PLAA: variants seen among roughly 807,000 people sequenced by gnomAD.
The protein encoded by PLAA is phospholipase A2 activating protein.
PLAA carries 48 observed loss-of-function variants against 84.1 expected under a neutral mutation model. That is an observed-to-expected ratio of 0.57 (90% confidence interval 0.45 to 0.73). The LOEUF (loss-of-function observed/expected upper bound fraction) is 0.73, where lower values mean the gene tolerates loss of function less well. Ranked by LOEUF, PLAA falls within the 30% of genes least tolerant of loss-of-function variation. The probability of loss-of-function intolerance (pLI) is 0.00; values close to 1 mark genes in which losing one functional copy is unlikely to be tolerated. For synonymous variants in PLAA, 392 were observed against 336.6 expected (o/e 1.16, Z -1.80); for missense variants, 903 against 954.7 (o/e 0.95, Z 0.71).
intron 7 of PLAA, among the ~76,000 whole-genome samples, chr9:26,921,845 C>T (rs1203693120): frequency 6.6e-6 from 1 of 152,112 alleles, no homozygotes; most frequent in Non-Finnish European, 1.5e-5. Context: ...ATGTTATTAC[C>T]ACTAGTATCA....
rs867126426 is a variant in PLAA, at chr9:26,915,860, G to A, written c.1486+1237C>T. The stretch of plus-strand genomic sequence containing the variant: ...TTCTTTCTGTTCCAGAAAAAAAGCC[G>A]CCAAAGTGATTTGGATTCTCACTTG... On this transcript the variant is annotated intron_variant, in intron 10 of 13. Transcript: ENST00000397292. 1.5e-5 allele frequency: 15 copies of A among 985,160 alleles called. No homozygotes were observed. In the South Asian group the frequency reaches 3.3e-4, roughly 22 times the overall value. The allele number at this position is 985,160 out of a possible 1,614,324, so 61.0% of individuals were successfully genotyped here. A position where few individuals can be genotyped will look rare whatever the true frequency, so the allele number is the denominator to read the frequency against.
chr9:26,919,678 G>T (rs750655129), intron 8 of PLAA, 149 bp from the exon 9 acceptor site: 2 of 552,718 alleles, frequency 3.6e-6, no homozygotes, highest in Non-Finnish European at 6.4e-6. Flanking sequence ...GTTTTTGGCA[G>T]ATAAAGATTA....
chr9:26,919,610 G>A lies in PLAA; in HGVS notation c.1198-81C>T, dbSNP rs1217194079. Reference sequence around the variant, plus strand: ...ATGACATATACAACATAACACAGATGTGTTCTTTAATAATTACAGTACTTA... The same window carrying A: ...ATGACATATACAACATAACACAGATATGTTCTTTAATAATTACAGTACTTA... On this transcript the variant is annotated intron_variant, in intron 8 of 13. Transcript: ENST00000397292. 1.1e-5 allele frequency: 8 copies of A among 753,218 alleles called. No individual in the cohort carries two copies. The East Asian group carries it at 2.0e-4, about 19-fold the overall frequency. The allele number at this position is 753,218 out of a possible 1,614,324, so 46.7% of individuals were successfully genotyped here.
intron 4 of PLAA, among the ~76,000 whole-genome samples, chr9:26,927,536 A>C (rs1263677284): frequency 1.3e-5 from 2 of 152,188 alleles, no homozygotes; most frequent in Admixed American, 6.5e-5. Flanking sequence ...ATTAACAGTA[A>C]ATACTTAAGT....
At chr9:26,946,115 C>T (rs1825698778) in intron 1 of PLAA, among the ~76,000 whole-genome samples, 1 of 152,190 alleles carries the variant, frequency 6.6e-6, no homozygotes. Flanking sequence ...AAATCTCTAG[C>T]AGTGGGAGAC....
rs961939392 is a variant in PLAA, at chr9:26,916,005, C to T, written c.1486+1092G>A. The T allele has an allele frequency of 1.3e-5, 13 of 985,260 alleles. No homozygotes were observed. The Admixed American group carries it at 3.1e-4, about 23-fold the overall frequency. 61.0% of individuals were successfully genotyped at this position (985,260 alleles called of 1,614,324 possible). ...ATTATGTTATCAAAGACTTCCTTAA[C>T]AGCCACTGTGCCATAACAGCATTTA... On this transcript the variant is annotated intron_variant, in intron 10 of 13. Transcript: ENST00000397292.
rs372394777 is a variant in PLAA at position 26,905,979 on chromosome 9, G to A, written c.1920C>T (p.Ser640=). 5 of 1,613,788 alleles carry A rather than the reference G, an allele frequency of 3.1e-6. No homozygotes were observed. Among genetic ancestry groups the A allele is most frequent in the African/African-American group, 1.3e-5 (1 of 74,872 alleles). Residue 640 remains serine, a synonymous_variant, in exon 14 of 14, where the codon AGC becomes AGT. Coordinates refer to ENST00000397292, the MANE Select transcript of PLAA (RefSeq NM_001031689.3). ...FCNEKEGAQF[S]SHLINLLNPK... The stretch of plus-strand genomic sequence containing the variant: ...GGTTCAGAAGATTGATAAGATGACT[G>A]CTGAACTGAGCCCCTTCCTTTTCAT...
At chr9:26,924,401 T>G (rs1188547750) in intron 6 of PLAA, among the ~76,000 whole-genome samples, 2 of 152,200 alleles carry the variant, frequency 1.3e-5, no homozygotes, top group Non-Finnish European at 2.9e-5. Context: ...ACCAAAGTGC[T>G]GGGATTACAA....
intron 1 of PLAA, among the ~76,000 whole-genome samples, chr9:26,936,602 C>T (rs1227044428): frequency 2.0e-5 from 3 of 152,232 alleles, no homozygotes; most frequent in Non-Finnish European, 4.4e-5. Context: ...CCACACCTCA[C>T]CCTTCTAGCC....
At chr9:26,930,250 G>A (rs1158619188) in intron 2 of PLAA, among the ~76,000 whole-genome samples, 1 of 151,706 alleles carries the variant, frequency 6.6e-6, no homozygotes, top group Non-Finnish European at 1.5e-5. Context: ...GACCACAGGC[G>A]CCCGCCACCA....
chr9:26,925,973 A>C lies in PLAA; in HGVS notation c.734-13T>G. On this transcript the variant is annotated splice_polypyrimidine_tract_variant and intron_variant, in intron 5 of 13. Transcript: ENST00000397292. ...GTTGTCACAAAGTCTAAAATTAATGAATATAGGAAGTATTAGTTTGAATAA... is the reference window on the plus strand; with the variant it reads ...GTTGTCACAAAGTCTAAAATTAATGCATATAGGAAGTATTAGTTTGAATAA... 2 of 1,603,564 alleles carry C rather than the reference A, an allele frequency of 1.2e-6. No individual in the cohort carries two copies. Among genetic ancestry groups the C allele is most frequent in the South Asian group, 2.2e-5 (2 of 90,800 alleles).
At chr9:26,907,695 C>A (rs1044782304) in intron 13 of PLAA, 139 bp downstream of exon 13, 13 of 684,160 alleles carry the variant, frequency 1.9e-5, no homozygotes, top group Non-Finnish European at 3.1e-5. Context: ...GTAGTGAACC[C>A]TTTTCGTGAA....
chr9:26,917,234 T>C (rs1824592661), intron 9 of PLAA, 69 bp from the exon 10 acceptor site: 1 of 1,235,320 alleles, frequency 8.1e-7, no homozygotes, highest in Non-Finnish European at 1.2e-6. Flanking sequence ...AGCACAATGC[T>C]TGTTTTAGAA....
intron 7 of PLAA, among the ~76,000 whole-genome samples, chr9:26,922,563 A>AAG (rs1208402072): frequency 1.3e-5 from 2 of 152,214 alleles, no homozygotes; most frequent in East Asian, 3.8e-4. Context: ...TAATGCAATC[A>AAG]AGAGATACAT....
At chr9:26,942,406 T>C (rs1427208294) in intron 1 of PLAA, among the ~76,000 whole-genome samples, 1 of 152,194 alleles carries the variant, frequency 6.6e-6, no homozygotes, top group Non-Finnish European at 1.5e-5. Flanking sequence ...AAATATCCAA[T>C]GTATCTAAAG....
chr9:26,917,077 G>A lies in PLAA; in HGVS notation c.1486+20C>T. ...ATACATTTAGTGAAGAAAGATACAT[G>A]AATCAAAACTACATCCCACCTGTAA... On this transcript the variant is annotated intron_variant, in intron 10 of 13. Coordinates refer to ENST00000397292, the MANE Select transcript of PLAA (RefSeq NM_001031689.3). 6.2e-7 allele frequency: 1 copy of A among 1,600,376 alleles called. No homozygotes were observed. Among genetic ancestry groups the A allele is most frequent in the South Asian group, 1.1e-5 (1 of 90,596 alleles).
Position 26,935,004 on chromosome 9 carries a change from T to G in PLAA, c.343+9A>C, listed in dbSNP as rs755349276. ...AAATAGAAAAACACCAAAGCATTAT[T>G]ATACTCACCAGTATTTTTGTGGCCT... is the stretch of plus-strand genomic sequence containing the variant. On this transcript the variant is annotated intron_variant, in intron 2 of 13. Coordinates refer to ENST00000397292, the MANE Select transcript of PLAA (RefSeq NM_001031689.3). 6.4e-7 allele frequency: 1 copy of G among 1,557,176 alleles called. No homozygotes were observed. The highest frequency in any genetic ancestry group is 1.7e-4 in the Middle Eastern group (1 of 5,922).
At chr9:26,912,434 G>A (rs532125242) in intron 11 of PLAA, among the ~76,000 whole-genome samples, 2 of 152,272 alleles carry the variant, frequency 1.3e-5, no homozygotes, top group African/African-American at 4.8e-5. Flanking sequence ...ATCAAGGGAG[G>A]TGCATAAACA....
At chr9:26,944,081 G>C (rs1452801466) in intron 1 of PLAA, among the ~76,000 whole-genome samples, 2 of 152,296 alleles carry the variant, frequency 1.3e-5, no homozygotes, top group East Asian at 3.9e-4. Context: ...ATTAGATCAA[G>C]AGGGTTCTGC....
Sources: allele counts gnomAD v4.1 joint callset (sites outside exome capture counted in the v4.1 genomes callset), GRCh38; gene constraint gnomAD v4.1.1; transcripts MANE v1.5; gene names NCBI Gene and HGNC (gene_info 2026-07-23, HGNC 2026-07-21).